Variants in PLET1 observed in about 807,000 individuals in gnomAD.
The protein encoded by PLET1 is placenta-expressed transcript 1 protein.
Under a neutral mutation model 18.5 loss-of-function variants are expected in PLET1, and 20 were observed. The observed-to-expected ratio is 1.08, with a 90% CI of 0.76 to 1.57. The LOEUF (loss-of-function observed/expected upper bound fraction) is 1.57, where lower values mean the gene tolerates loss of function less well. Among genes scored for constraint, PLET1 ranks in the 40% most tolerant of loss-of-function variants. PLET1 has a pLI of 0.00. For missense variants in PLET1, 256 were observed against 246.4 expected, an observed-to-expected ratio of 1.04 and a Z score of -0.26; for synonymous variants, 93 against 93.8, an observed-to-expected ratio of 0.99 and a Z score of 0.05.
intron 2 of PLET1, among the ~76,000 whole-genome samples, chr11:112,254,037 G>A (rs1860184647): frequency 6.6e-6 from 1 of 152,212 alleles, no homozygotes; most frequent in Non-Finnish European, 1.5e-5. Flanking sequence ...TGTGACACTA[G>A]CAAGCCAGTT....
At position 112,248,923 on chromosome 11, in the gene PLET1, G is replaced by A; in HGVS notation, c.500C>T (p.Pro167Leu). ...ACTCTTGGGTGTAATCATGAAGAAA[G>A]GCTTGAAGGCTGAGCTCTGGGGAAT... ...AKIPQSSAFK[P>L]FFMITPKSIR... The change falls in exon 4 of 4, where the codon CCT becomes CTT. Residue 167 changes from proline to leucine, a missense_variant. Physicochemically the swap from Pro to Leu is moderately conservative, Grantham distance 98. Transcript: ENST00000338832. 2 of 1,551,244 alleles carry A rather than the reference G, an allele frequency of 1.3e-6. No individual in the cohort carries two copies. The highest frequency in any genetic ancestry group is 2.4e-5 in the East Asian group (1 of 40,918).
At chr11:112,259,655 GTTGT>G (rs1860265440) in intron 1 of PLET1, among the ~76,000 whole-genome samples, 1 of 152,120 alleles carries the variant, frequency 6.6e-6, no homozygotes, top group Admixed American at 6.5e-5. Flanking sequence ...CTTCCCCTGT[GTTGT>G]TTATTAGATT....
chr11:112,248,274 A>C lies in PLET1; in HGVS notation c.*525T>G, dbSNP rs1566825719. Among the ~76,000 whole-genome samples, 1 of 152,192 alleles carries C rather than the reference A, an allele frequency of 6.6e-6. No individual in the cohort carries two copies. The highest frequency in any genetic ancestry group is 1.5e-5 in the Non-Finnish European group (1 of 68,028). ...TTCGTTCCTGTTCTCTTGCCCTTCA[A>C]AATCTACTGGTGTGGACAAATGGGA... On this transcript the variant is annotated 3_prime_UTR_variant, in exon 4 of 4. Transcript: ENST00000338832.
In PLET1 at chr11:112,248,172, TTAAAG is replaced by T. The variant is rs1436104490; in HGVS notation, c.*622_*626del. On this transcript the variant is annotated 3_prime_UTR_variant, in exon 4 of 4. Transcript: ENST00000338832. ...AATGGAACACATTCATTATTCTTGTTTAAAGTATAATTTATTTGTTGTGACAAAAA... is the reference window on the plus strand; with the variant it reads ...AATGGAACACATTCATTATTCTTGTTTATAATTTATTTGTTGTGACAAAAA... 1.3e-5 allele frequency among the ~76,000 whole-genome samples: 2 copies of T among 152,214 alleles called. No homozygotes were observed. The highest frequency in any genetic ancestry group is 1.5e-5 in the Non-Finnish European group (1 of 68,038).
At chr11:112,253,824 G>C (rs1851693124) in intron 2 of PLET1, among the ~76,000 whole-genome samples, 1 of 152,202 alleles carries the variant, frequency 6.6e-6, no homozygotes, top group South Asian at 2.1e-4. Context: ...CTTCCATAGA[G>C]ACATGGCTGT....
Position 112,255,599 on chromosome 11 carries a change from A to G in PLET1, c.185-10T>C, listed in dbSNP as rs753659676. 7.9e-5 allele frequency: 123 copies of G among 1,549,278 alleles called. No individual in the cohort carries two copies. The highest frequency in any genetic ancestry group is 1.0e-4 in the Non-Finnish European group (120 of 1,145,830). ...TTCACGGGAACAAATACTGGGAGGA[A>G]ATGATGAAGAAGCAATCAGCCATCT... is the stretch of plus-strand genomic sequence containing the variant. On this transcript the variant is annotated splice_polypyrimidine_tract_variant and intron_variant, in intron 1 of 3. Coordinates refer to ENST00000338832, the MANE Select transcript of PLET1 (RefSeq NM_001145024.1).
rs1566825719 is a variant in PLET1 at position 112,248,274 on chromosome 11, A to G, written c.*525T>C. On this transcript the variant is annotated 3_prime_UTR_variant, in exon 4 of 4. Transcript: ENST00000338832. Reference sequence around the variant, plus strand: ...TTCGTTCCTGTTCTCTTGCCCTTCAAAATCTACTGGTGTGGACAAATGGGA... The same window carrying G: ...TTCGTTCCTGTTCTCTTGCCCTTCAGAATCTACTGGTGTGGACAAATGGGA... Among the ~76,000 whole-genome samples, 1 of 152,192 alleles carries G rather than the reference A, an allele frequency of 6.6e-6. No homozygotes were observed. The highest frequency in any genetic ancestry group is 1.9e-4 in the East Asian group (1 of 5,204).
chr11:112,254,147 C>T (rs1860185267), intron 2 of PLET1, among the ~76,000 whole-genome samples: 1 of 151,288 alleles, frequency 6.6e-6, no homozygotes, highest in African/African-American at 2.4e-5. Context: ...GAATATGAAA[C>T]AAAGAGGGTG....
intron 1 of PLET1, among the ~76,000 whole-genome samples, chr11:112,256,161 T>C (rs1365085949): frequency 1.3e-5 from 2 of 152,206 alleles, no homozygotes; most frequent in East Asian, 3.8e-4. Flanking sequence ...GGGCCCTAAC[T>C]CCTTAGAGAG....
In PLET1 at chr11:112,259,628, A is replaced by G. The variant is rs867558667; in HGVS notation, c.184+778T>C. 4.6e-5 allele frequency among the ~76,000 whole-genome samples: 7 copies of G among 152,336 alleles called. No homozygotes were observed. In the South Asian group the frequency reaches 1.4e-3, roughly 32 times the overall value. On this transcript the variant is annotated intron_variant, in intron 1 of 3. Coordinates refer to ENST00000338832, the MANE Select transcript of PLET1 (RefSeq NM_001145024.1). ...CCTTGGTCTCAGGCTTTTCATACAT[A>G]AAGTGGGTTAGTAATACTTCCCCTG...
chr11:112,258,969 A>G (rs1477756266), intron 1 of PLET1, among the ~76,000 whole-genome samples: 1 of 152,204 alleles, frequency 6.6e-6, no homozygotes, highest in East Asian at 1.9e-4. Flanking sequence ...CAAAAGTTAG[A>G]CTTTTAAGAA....
At chr11:112,256,667 A>G (rs1233748895) in intron 1 of PLET1, among the ~76,000 whole-genome samples, 2 of 152,178 alleles carry the variant, frequency 1.3e-5, no homozygotes, top group African/African-American at 2.4e-5. Flanking sequence ...ATAAATTGCA[A>G]TTGTTATTAT....
chr11:112,254,962 GTA>G (rs550942024), intron 2 of PLET1, among the ~76,000 whole-genome samples: 3,319 of 35,074 alleles, frequency 0.095, 71 homozygotes, highest in Non-Finnish European at 0.18. Flanking sequence ...TGTGTGATAT[GTA>G]TGTGAGTGTG....
chr11:112,259,411 G>A (rs1357344526), intron 1 of PLET1, among the ~76,000 whole-genome samples: 2 of 152,152 alleles, frequency 1.3e-5, no homozygotes, highest in Admixed American at 1.3e-4. Context: ...CATAGGAAGT[G>A]TTATTATTAT....
intron 1 of PLET1, among the ~76,000 whole-genome samples, chr11:112,259,161 T>G (rs187291602): frequency 7.8e-4 from 119 of 152,336 alleles, no homozygotes; most frequent in African/African-American, 2.6e-3. Context: ...CAACATCTAC[T>G]TCTAAAACAT....
At chr11:112,253,842 GAC>G (rs554659402) in intron 2 of PLET1, among the ~76,000 whole-genome samples, 3 of 152,322 alleles carry the variant, frequency 2.0e-5, no homozygotes, top group African/African-American at 7.2e-5. Context: ...TGTTCAAGCT[GAC>G]ACAGCCTGAG....
chr11:112,259,295 C>G (rs1038983441), intron 1 of PLET1, among the ~76,000 whole-genome samples: 1 of 152,112 alleles, frequency 6.6e-6, no homozygotes, highest in Non-Finnish European at 1.5e-5. Context: ...TAAGTAGCTC[C>G]GGGACCTGAG....
Position 112,251,809 on chromosome 11 carries a change from G to A in PLET1, c.448+539C>T, listed in dbSNP as rs1860158493. Among the ~76,000 whole-genome samples, 3 of 113,818 alleles carry A rather than the reference G, an allele frequency of 2.6e-5. No homozygotes were observed. In the Admixed American group the frequency reaches 3.0e-4, roughly 12 times the overall value. The allele number at this position is 113,818 out of a possible 152,430, so 74.7% of individuals were successfully genotyped here. ...GGAACCTCAGGGAGGTGCGAAGCTG[G>A]GGGCGACAGCCTGTGAAAAGCTGTG... On this transcript the variant is annotated intron_variant, in intron 3 of 3. Transcript: ENST00000338832.
intron 1 of PLET1, 124 bp downstream of exon 1, chr11:112,260,282 C>A (rs1490834382): frequency 2.1e-6 from 2 of 969,780 alleles, no homozygotes; most frequent in African/African-American, 1.7e-5. Flanking sequence ...TCCCTTGCTT[C>A]CCATTTGGTT....
Sources: allele counts gnomAD v4.1 joint callset (sites outside exome capture counted in the v4.1 genomes callset), GRCh38; gene constraint gnomAD v4.1.1; transcripts MANE v1.5; gene names NCBI Gene and HGNC (gene_info 2026-07-23, HGNC 2026-07-21).